ELAPOR1: variants seen among roughly 807,000 people sequenced by gnomAD.
ELAPOR1 encodes the protein endosome-lysosome associated apoptosis and autophagy regulator 1.
Under a neutral mutation model 119.7 loss-of-function variants are expected in ELAPOR1, and 77 were observed. The ratio of observed to expected loss-of-function variants is 0.64; its 90% CI spans 0.54 to 0.78. The LOEUF is 0.78. ELAPOR1 is among the 30% of genes least tolerant of loss of function. The pLI, the probability that ELAPOR1 is intolerant of heterozygous loss-of-function variation, is 0.00. For synonymous variants in ELAPOR1, 481 were observed against 487.2 expected, an observed-to-expected ratio of 0.99 and a Z score of 0.17; for missense variants, 1,115 against 1,270.4, an observed-to-expected ratio of 0.88 and a Z score of 1.86.
chr1:109,173,744 C>T lies in ELAPOR1; in HGVS notation c.859C>T (p.Gln287Ter), dbSNP rs1278924492. ...CAAACCTGGCACGTATGCAGACAAG[C>T]AGGGCTCCTCTTTCTGCAAACTTTG... ...PCKPGTYADK[Q>*]GSSFCKLCPA... The change falls in exon 7 of 22, where the codon CAG becomes TAG. Residue 287 changes from glutamine to a stop codon, truncating the protein, a stop_gained. Coordinates refer to ENST00000369939, the MANE Select transcript of ELAPOR1 (RefSeq NM_020775.5). LOFTEE classifies it high-confidence loss of function. The T allele has an allele frequency of 1.2e-6, 2 of 1,614,154 alleles. 1 individual carries two copies. The highest frequency in any genetic ancestry group is 2.2e-5 in the South Asian group (2 of 91,084).
rs1651143056 is a variant in ELAPOR1 at position 109,159,918 on chromosome 1, T to C, written c.154-1976T>C. 1.3e-5 allele frequency among the ~76,000 whole-genome samples: 2 copies of C among 152,202 alleles called. 1 individual carries two copies. ...ATTTATACACAGTGGATTTTACCCC[T>C]CATTCTTGCAGCAAAACCCTTTTGA... On this transcript the variant is annotated intron_variant, in intron 1 of 21. Coordinates refer to ENST00000369939, the MANE Select transcript of ELAPOR1 (RefSeq NM_020775.5).
intron 7 of ELAPOR1, among the ~76,000 whole-genome samples, chr1:109,181,037 T>C (rs964415299): frequency 6.6e-6 from 1 of 152,174 alleles, no homozygotes; most frequent in Admixed American, 6.5e-5. Context: ...TACTCTCCAA[T>C]TGACAAAACA....
At chr1:109,136,365 A>C (rs920225726) in intron 1 of ELAPOR1, among the ~76,000 whole-genome samples, 1 of 152,206 alleles carries the variant, frequency 6.6e-6, no homozygotes, top group Non-Finnish European at 1.5e-5. Context: ...CAAGGAAATC[A>C]AGGATGGCTG....
Position 109,188,237 on chromosome 1 carries a change from G to A in ELAPOR1, c.1102G>A (p.Val368Met), listed in dbSNP as rs1001026034. 6.2e-6 allele frequency: 10 copies of A among 1,614,034 alleles called. No individual in the cohort carries two copies. Among genetic ancestry groups the A allele is most frequent in the Non-Finnish European group, 8.5e-6 (10 of 1,179,978 alleles). ...CTGTAGCGAGGACCTTGAGGGGGCA[G>A]TGAAGCTGCCTGCCTCTGGTGTGAA... ...KICSEDLEGAVKLPASGVKTH... is the reference protein window; with the variant it reads ...KICSEDLEGAMKLPASGVKTH... The change falls in exon 9 of 22, where the codon GTG becomes ATG. Residue 368 changes from valine (V) to methionine (M), a missense_variant. Physicochemically the swap from Val to Met is conservative, Grantham distance 21 (BLOSUM62 1). Coordinates refer to ENST00000369939, the MANE Select transcript of ELAPOR1 (RefSeq NM_020775.5).
At chr1:109,200,026 G>A in intron 19 of ELAPOR1, 33 bp from the exon 20 acceptor site, 2 of 1,613,474 alleles carry the variant, frequency 1.2e-6, no homozygotes, top group Non-Finnish European at 1.7e-6. Context: ...AAGGGAATGG[G>A]AGATCTGAGT....
chr1:109,184,996 C>T (rs1652957707), intron 7 of ELAPOR1, 49 bp from the exon 8 acceptor site: 2 of 1,470,916 alleles, frequency 1.4e-6, no homozygotes, highest in Admixed American at 3.3e-5. Context: ...GCCAGGAGCT[C>T]AGCTTTCTTA....
chr1:109,166,774 G>A (rs763180840), intron 3 of ELAPOR1, among the ~76,000 whole-genome samples: 6 of 152,206 alleles, frequency 3.9e-5, no homozygotes, highest in Non-Finnish European at 7.3e-5. Flanking sequence ...ATATGAGGAT[G>A]TGAAAGGCAG....
At chr1:109,184,796 C>T (rs969621452) in intron 7 of ELAPOR1, among the ~76,000 whole-genome samples, 9 of 152,156 alleles carry the variant, frequency 5.9e-5, no homozygotes, top group African/African-American at 1.4e-4. Flanking sequence ...GGGCGGGGGA[C>T]GGGAAGCGGC....
At chr1:109,150,914 T>C (rs985878621) in intron 1 of ELAPOR1, among the ~76,000 whole-genome samples, 2 of 152,114 alleles carry the variant, frequency 1.3e-5, no homozygotes, top group Non-Finnish European at 2.9e-5. Context: ...CAGGTGGCAA[T>C]GTTTTCCTGT....
chr1:109,129,952 A>T (rs1474633042), intron 1 of ELAPOR1, among the ~76,000 whole-genome samples: 2 of 152,160 alleles, frequency 1.3e-5, no homozygotes, highest in African/African-American at 4.8e-5. Flanking sequence ...CAGCAGGGCC[A>T]TGCACCCTCT....
At position 109,162,033 on chromosome 1, in the gene ELAPOR1, C is replaced by A; in HGVS notation, c.274+19C>A. 6.3e-7 allele frequency: 1 copy of A among 1,596,166 alleles called. No homozygotes were observed. The highest frequency in any genetic ancestry group is 1.1e-5 in the South Asian group (1 of 90,646). On this transcript the variant is annotated intron_variant, in intron 2 of 21. Coordinates refer to ENST00000369939, the MANE Select transcript of ELAPOR1 (RefSeq NM_020775.5). ...GAGTGCTGTAAGCAGCTATCCTGCT[C>A]AGGGCCTCCCTGTCACTCAGCTTTG...
chr1:109,201,597 A>C (rs1654177672), intron 21 of ELAPOR1, among the ~76,000 whole-genome samples: 1 of 152,108 alleles, frequency 6.6e-6, no homozygotes, highest in South Asian at 2.1e-4. Flanking sequence ...GGGAGGGCGG[A>C]AAGAGGGAGG....
At chr1:109,186,765 C>A in intron 8 of ELAPOR1, 1 of 985,592 alleles carries the variant, frequency 1.0e-6, no homozygotes, top group East Asian at 1.1e-4. Flanking sequence ...ATGTGGCTGT[C>A]TTTCCTCCCT....
intron 1 of ELAPOR1, among the ~76,000 whole-genome samples, chr1:109,137,093 A>G (rs979267504): frequency 2.6e-5 from 4 of 152,224 alleles, no homozygotes; most frequent in Admixed American, 1.3e-4. Context: ...GTAAGGGAGC[A>G]GGTATAATGC....
chr1:109,188,062 G>A, intron 8 of ELAPOR1, 115 bp from the exon 9 acceptor site: 1 of 1,465,180 alleles, frequency 6.8e-7, no homozygotes, highest in East Asian at 2.4e-5. Flanking sequence ...CCCCAGAGGA[G>A]CTCTTACCTG....
intron 1 of ELAPOR1, among the ~76,000 whole-genome samples, chr1:109,131,629 T>G (rs150439547): frequency 3.3e-5 from 5 of 152,094 alleles, no homozygotes; most frequent in Non-Finnish European, 7.4e-5. Context: ...TACAGGTTAG[T>G]GAGGGAAAGG....
chr1:109,131,983 A>G (rs1649177119), intron 1 of ELAPOR1, among the ~76,000 whole-genome samples: 1 of 152,206 alleles, frequency 6.6e-6, no homozygotes, highest in South Asian at 2.1e-4. Flanking sequence ...GTAAGGAGAA[A>G]GATTAGACTT....
Position 109,165,747 on chromosome 1 carries a change from TC to T in ELAPOR1, c.467+1057del, listed in dbSNP as rs1187503038. ...TTGGGTGCTAACTTCTTCTTCTTCT[TC>T]TTTTTTTTTTTTTTGAGACAGAGTC... On this transcript the variant is annotated intron_variant, in intron 3 of 21. Transcript: ENST00000369939. Among the ~76,000 whole-genome samples the T allele has an allele frequency of 5.1e-4, 50 of 97,874 alleles. 1 individual carries two copies. In the East Asian group the frequency reaches 5.7e-3, roughly 11 times the overall value. 64.2% of individuals were successfully genotyped at this position (97,874 alleles called of 152,430 possible). A position where few individuals can be genotyped will look rare whatever the true frequency, so the allele number is the denominator to read the frequency against.
intron 2 of ELAPOR1, among the ~76,000 whole-genome samples, chr1:109,162,772 T>C (rs1396374953): frequency 6.6e-6 from 1 of 152,240 alleles, no homozygotes; most frequent in Non-Finnish European, 1.5e-5. Context: ...AATTAATGAC[T>C]GGATATTGCT....
Sources: allele counts gnomAD v4.1 joint callset (sites outside exome capture counted in the v4.1 genomes callset), GRCh38; gene constraint gnomAD v4.1.1; transcripts MANE v1.5; gene names NCBI Gene and HGNC (gene_info 2026-07-23, HGNC 2026-07-21).